CCDC141: variants seen among roughly 807,000 people sequenced by gnomAD.
CCDC141 encodes coiled-coil domain containing 141, also known as coiled-coil domain-containing protein 141.
In CCDC141, 168 loss-of-function variants were observed where a neutral mutation model predicts 181.0. The observed-to-expected ratio is 0.93, with a 90% CI of 0.82 to 1.05. The LOEUF (loss-of-function observed/expected upper bound fraction) is 1.05, where lower values mean the gene tolerates loss of function less well. Among genes scored for constraint, CCDC141 ranks in the 50% least tolerant of loss-of-function variants. CCDC141 has a pLI of 0.00. For synonymous variants in CCDC141, 666 were observed against 642.3 expected, an observed-to-expected ratio of 1.04 and a Z score of -0.56; for missense variants, 1,902 against 1,788.5, an observed-to-expected ratio of 1.06 and a Z score of -1.14.
At chr2:178,845,800 T>A (rs1575122277) in intron 21 of CCDC141, 58 bp from the exon 22 acceptor site, 1 of 941,594 alleles carries the variant, frequency 1.1e-6, no homozygotes, top group South Asian at 1.3e-5. Context: ...AACAGTGCCA[T>A]ACACTAACTA....
intron 2 of CCDC141, among the ~76,000 whole-genome samples, chr2:179,015,139 A>C (rs2042427265): frequency 1.6e-5 from 2 of 128,364 alleles, no homozygotes; most frequent in Non-Finnish European, 1.6e-5. Context: ...ATCATATCAT[A>C]TATATCAATA....
chr2:179,012,839 A>G (rs531500993), intron 2 of CCDC141, among the ~76,000 whole-genome samples: 1 of 152,300 alleles, frequency 6.6e-6, no homozygotes, highest in East Asian at 1.9e-4. Context: ...GTGATATACC[A>G]CGTAAACAGA....
In CCDC141 at chr2:178,869,194, G is replaced by A. The variant is rs1389515938; in HGVS notation, c.2317C>T (p.Gln773Ter). 1 of 1,613,436 alleles carries A rather than the reference G, an allele frequency of 6.2e-7. No homozygotes were observed. Among genetic ancestry groups the A allele is most frequent in the Non-Finnish European group, 8.5e-7 (1 of 1,179,714 alleles). Residue 773 changes from glutamine (Q) to a stop codon, truncating the protein, a stop_gained, in exon 15 of 24, where the codon CAA becomes TAA. Transcript: ENST00000443758. LOFTEE classifies it high-confidence loss of function. ...QQLKDLIHFH[Q>*]KQKERIQDYE... ...TCCTGGATTCTCTCTTTCTGTTTTTGATGGAAGTGAATAAGGTCCTTCAGT... is the reference window on the plus strand; with the variant it reads ...TCCTGGATTCTCTCTTTCTGTTTTTAATGGAAGTGAATAAGGTCCTTCAGT...
At chr2:179,018,226 G>A (rs2042597188) in intron 2 of CCDC141, among the ~76,000 whole-genome samples, 1 of 152,050 alleles carries the variant, frequency 6.6e-6, no homozygotes, top group South Asian at 2.1e-4. Context: ...CTTCAGTAGA[G>A]TGTTAAATGG....
At chr2:178,821,402 C>T in the CCDC141 span, among the ~76,000 whole-genome samples, 2 of 152,152 alleles carry the variant, frequency 1.3e-5, no homozygotes, top group Admixed American at 1.3e-4. Flanking sequence ...CTTGACTGTT[C>T]TCTTGATCAT....
At chr2:178,887,042 A>C (rs1021436244) in intron 9 of CCDC141, among the ~76,000 whole-genome samples, 171 bp from the exon 10 acceptor site, 6 of 152,230 alleles carry the variant, frequency 3.9e-5, no homozygotes, top group Non-Finnish European at 7.3e-5. Context: ...TGTTTTAATA[A>C]CGCTGCTCTT....
In CCDC141 at chr2:178,845,701, G is replaced by A; in HGVS notation, c.3399C>T (p.Phe1133=). The part of the protein sequence containing the change: ...VLKMNPNLED[F]HYDYIDLLKE... ...TTAGCAAGTCAATGTAATCATAATG[G>A]AAGTCTTCCAAATTCGGATTCATCT... Residue 1133 remains phenylalanine (F), a synonymous_variant, in exon 22 of 24, where the codon TTC becomes TTT. Transcript: ENST00000443758. 6.2e-7 allele frequency: 1 copy of A among 1,612,192 alleles called. No individual in the cohort carries two copies. The highest frequency in any genetic ancestry group is 1.1e-5 in the South Asian group (1 of 91,012).
At chr2:179,025,738 C>T (rs781523749) in intron 2 of CCDC141, among the ~76,000 whole-genome samples, 2 of 152,100 alleles carry the variant, frequency 1.3e-5, no homozygotes, top group African/African-American at 2.4e-5. Context: ...TTGGAGGGCT[C>T]AGAAGAAGAC....
chr2:178,822,330 A>C, the CCDC141 span, among the ~76,000 whole-genome samples: 4 of 151,876 alleles, frequency 2.6e-5, no homozygotes, highest in Admixed American at 1.3e-4. Flanking sequence ...TGGGTGCAGC[A>C]CAGCAGCATG....
intron 6 of CCDC141, among the ~76,000 whole-genome samples, chr2:178,933,864 T>A (rs1019894955): frequency 6.6e-6 from 1 of 152,190 alleles, no homozygotes; most frequent in South Asian, 2.1e-4. Flanking sequence ...GGCAGACTGA[T>A]GTGTGCATAC....
chr2:178,990,534 G>GAGGAAGGAAGGA (rs146600473), intron 2 of CCDC141, among the ~76,000 whole-genome samples: 19 of 134,378 alleles, frequency 1.4e-4, no homozygotes, highest in African/African-American at 5.6e-4. Context: ...GAAAGAGAGA[G>GAGGAAGGAAGGA]AGGAAGGAAG....
intron 2 of CCDC141, among the ~76,000 whole-genome samples, chr2:179,027,853 G>A (rs182570912): frequency 1.8e-4 from 28 of 152,050 alleles, no homozygotes; most frequent in Admixed American, 7.9e-4. Flanking sequence ...TATCAACAGC[G>A]TGAAAACTAG....
At chr2:178,893,251 G>A (rs1056207580) in intron 8 of CCDC141, among the ~76,000 whole-genome samples, 3 of 150,498 alleles carry the variant, frequency 2.0e-5, no homozygotes, top group South Asian at 2.1e-4. Flanking sequence ...GAGCACAGAC[G>A]TATTGACTTC....
At chr2:178,983,100 G>C (rs1202140118) in intron 2 of CCDC141, among the ~76,000 whole-genome samples, 1 of 152,188 alleles carries the variant, frequency 6.6e-6, no homozygotes, top group South Asian at 2.1e-4. Context: ...GGTTCTCCCA[G>C]TACGCAGCTG....
intron 6 of CCDC141, among the ~76,000 whole-genome samples, chr2:178,930,117 G>A (rs1258903880): frequency 6.6e-6 from 1 of 151,712 alleles, no homozygotes; most frequent in African/African-American, 2.4e-5. Context: ...AAGTTGGAGA[G>A]TATAAAATCA....
In CCDC141 at chr2:178,871,600, C is replaced by T. The variant is rs926536076; in HGVS notation, c.2080-48G>A. ...ACACATGCATTTTCTTTGACATCTC[C>T]AGCAAATTTGATCATTCTAGGTATG... On this transcript the variant is annotated intron_variant, in intron 13 of 23. Coordinates refer to ENST00000443758, the MANE Select transcript of CCDC141 (RefSeq NM_173648.4). The T allele has an allele frequency of 6.8e-5, 109 of 1,599,706 alleles. No homozygotes were observed. In the East Asian group the frequency reaches 2.4e-3, roughly 35 times the overall value.
chr2:178,945,782 C>A (rs1279188209), intron 5 of CCDC141, among the ~76,000 whole-genome samples: 1 of 151,908 alleles, frequency 6.6e-6, no homozygotes, highest in Non-Finnish European at 1.5e-5. Context: ...GAAATGTGTA[C>A]AACAGGTAGC....
chr2:179,034,347 AG>A (rs2043079828), intron 2 of CCDC141, among the ~76,000 whole-genome samples: 1 of 152,124 alleles, frequency 6.6e-6, no homozygotes, highest in Non-Finnish European at 1.5e-5. Flanking sequence ...GTCCTAATGG[AG>A]GGTAGAGGGT....
At chr2:178,995,962 T>C (rs1160680666) in intron 2 of CCDC141, among the ~76,000 whole-genome samples, 2 of 152,190 alleles carry the variant, frequency 1.3e-5, no homozygotes, top group African/African-American at 4.8e-5. Flanking sequence ...CCACTTATGA[T>C]GGTGTTAGTT....
Sources: allele counts gnomAD v4.1 joint callset (sites outside exome capture counted in the v4.1 genomes callset), GRCh38; gene constraint gnomAD v4.1.1; transcripts MANE v1.5; gene names NCBI Gene and HGNC (gene_info 2026-07-23, HGNC 2026-07-21).